SYNDIG1: variants seen among roughly 807,000 people sequenced by gnomAD.
SYNDIG1 encodes the protein synapse differentiation inducing 1, also known as synapse differentiation-inducing gene protein 1.
In SYNDIG1, 9 loss-of-function variants were observed where a neutral mutation model predicts 19.4. The ratio of observed to expected loss-of-function variants is 0.46; its 90% CI spans 0.28 to 0.81. SYNDIG1 has a LOEUF of 0.81. Ranked by LOEUF, SYNDIG1 falls within the 30% of genes least tolerant of loss-of-function variation. SYNDIG1 has a pLI of 0.12. For synonymous variants in SYNDIG1, 141 were observed against 145.9 expected (o/e 0.97, Z 0.24); for missense variants, 311 against 343.3 (o/e 0.91, Z 0.74).
At chr20:24,584,773 G>T (rs2058386094) in intron 2 of SYNDIG1, 83 bp from the exon 3 acceptor site, 2 of 1,594,646 alleles carry the variant, frequency 1.3e-6, no homozygotes, top group East Asian at 2.2e-5. Flanking sequence ...CCAGCCAGGG[G>T]TCATCCCACA....
In SYNDIG1 at chr20:24,591,669, A is replaced by G. The variant is rs117948453; in HGVS notation, c.618+6676A>G. Among the ~76,000 whole-genome samples, 479 of 152,284 alleles carry G rather than the reference A, an allele frequency of 3.1e-3. 2 individuals are homozygous for G. Among genetic ancestry groups the G allele is most frequent in the Non-Finnish European group, 4.8e-3 (327 of 68,028 alleles). ...GGGGGGACAGTTAGGGGAGCAATAA[A>G]AAGCCCCCAAGCACCTCGCACATAG... On this transcript the variant is annotated intron_variant, in intron 3 of 3. Transcript: ENST00000376862.
chr20:24,581,088 A>C (rs951028831), intron 2 of SYNDIG1, among the ~76,000 whole-genome samples: 1 of 152,100 alleles, frequency 6.6e-6, no homozygotes, highest in African/African-American at 2.4e-5. Context: ...TCTCATGAGA[A>C]GCAATGGAGG....
At chr20:24,643,059 A>G (rs1391149546) in intron 3 of SYNDIG1, among the ~76,000 whole-genome samples, 2 of 152,176 alleles carry the variant, frequency 1.3e-5, no homozygotes, top group African/African-American at 2.4e-5. Context: ...AAATATTTCT[A>G]TATGCATAAT....
At position 24,584,858 on chromosome 20, in the gene SYNDIG1, C is replaced by T. The variant is rs750660743; in HGVS notation, c.483C>T (p.Ser161=). 22 of 1,614,000 alleles carry T rather than the reference C, an allele frequency of 1.4e-5. No homozygotes were observed. In the South Asian group the frequency reaches 1.4e-4, roughly 10 times the overall value. The change falls in exon 3 of 4, where the codon AGC becomes AGT. Residue 161 remains serine, a splice_region_variant and synonymous_variant. Coordinates refer to ENST00000376862, the MANE Select transcript of SYNDIG1 (RefSeq NM_024893.3). ...GTCCTGCTGGTTCTCTCTTGCAGAG[C>T]GACTACTCAAGCGACACAGAGAGTG... is the stretch of plus-strand genomic sequence containing the variant. ...EEEEEFQELE[S]DYSSDTESED...
At chr20:24,490,503 A>C (rs919848140) in intron 1 of SYNDIG1, among the ~76,000 whole-genome samples, 1 of 152,230 alleles carries the variant, frequency 6.6e-6, no homozygotes, top group South Asian at 2.1e-4. Flanking sequence ...TCTGCTGCCA[A>C]TGTGCCCGGG....
chr20:24,576,029 T>C (rs935571673), intron 2 of SYNDIG1, among the ~76,000 whole-genome samples: 4 of 152,022 alleles, frequency 2.6e-5, no homozygotes, highest in African/African-American at 9.7e-5. Flanking sequence ...AGCACGAAAG[T>C]CCCTCTCCTT....
intron 1 of SYNDIG1, among the ~76,000 whole-genome samples, chr20:24,526,096 G>A (rs781176073): frequency 1.3e-5 from 2 of 151,970 alleles, no homozygotes; most frequent in East Asian, 1.9e-4. Flanking sequence ...TACTTTTAGC[G>A]ATTCCATGTC....
At chr20:24,636,133 C>CATATTTGCCGGTAT (rs2059312813) in intron 3 of SYNDIG1, among the ~76,000 whole-genome samples, 1 of 152,150 alleles carries the variant, frequency 6.6e-6, no homozygotes, top group East Asian at 1.9e-4. Flanking sequence ...AGTTTATATC[C>CATATTTGCCGGTAT]ATATTTGCCG....
intron 2 of SYNDIG1, among the ~76,000 whole-genome samples, chr20:24,576,666 T>C (rs1254300777): frequency 6.6e-6 from 1 of 152,084 alleles, no homozygotes; most frequent in Non-Finnish European, 1.5e-5. Flanking sequence ...ATGTGCTAAA[T>C]AGTAATGACC....
At chr20:24,475,117 G>A (rs1284028265) in intron 1 of SYNDIG1, among the ~76,000 whole-genome samples, 1 of 152,200 alleles carries the variant, frequency 6.6e-6, no homozygotes, top group South Asian at 2.1e-4. Flanking sequence ...TTCCTCCTAT[G>A]ATCTTGGTCC....
rs73905420 is a variant in SYNDIG1, at chr20:24,658,042, G to T, written c.619-7304G>T. On this transcript the variant is annotated intron_variant, in intron 3 of 3. Coordinates refer to ENST00000376862, the MANE Select transcript of SYNDIG1 (RefSeq NM_024893.3). This position sits in a 1 kb window ranked among gnomAD's most constrained non-coding sequence, Gnocchi z 4.4. ...GAGGACCCCCAGCTGTGCTGGCCCC[G>T]GTCCATGGATGACGGGGACTGTGGA... Among the ~76,000 whole-genome samples the T allele has an allele frequency of 6.6e-6, 1 of 152,146 alleles. No individual in the cohort carries two copies. The highest frequency in any genetic ancestry group is 2.4e-5 in the African/African-American group (1 of 41,488).
chr20:24,545,776 A>G (rs1252208224), intron 2 of SYNDIG1, among the ~76,000 whole-genome samples: 1 of 152,214 alleles, frequency 6.6e-6, no homozygotes, highest in Non-Finnish European at 1.5e-5. Flanking sequence ...TAGCAGCAGA[A>G]GTGGAAGCCC....
At chr20:24,604,462 C>T (rs974922621) in intron 3 of SYNDIG1, among the ~76,000 whole-genome samples, 2 of 152,198 alleles carry the variant, frequency 1.3e-5, no homozygotes, top group African/African-American at 2.4e-5. Context: ...TGATCTTCCT[C>T]ACTGCTCATT....
In SYNDIG1 at chr20:24,665,541, G is replaced by A. The variant is rs912866530; in HGVS notation, c.*37G>A. Reference sequence around the variant, plus strand: ...ATGGAGGGGGAGCACCCGGGGCCAGGTCTGTGTGGACGTGGAGGAAGCAGG... The same window carrying A: ...ATGGAGGGGGAGCACCCGGGGCCAGATCTGTGTGGACGTGGAGGAAGCAGG... On this transcript the variant is annotated 3_prime_UTR_variant, in exon 4 of 4. Coordinates refer to ENST00000376862, the MANE Select transcript of SYNDIG1 (RefSeq NM_024893.3). 2.5e-6 allele frequency: 4 copies of A among 1,612,726 alleles called. No individual in the cohort carries two copies. The highest frequency in any genetic ancestry group is 1.3e-5 in the African/African-American group (1 of 74,856).
chr20:24,566,554 G>C (rs1260766807), intron 2 of SYNDIG1, among the ~76,000 whole-genome samples: 1 of 152,138 alleles, frequency 6.6e-6, no homozygotes, highest in East Asian at 2.0e-4. Context: ...TCAGCTTGTT[G>C]TGTGAAGGGC....
chr20:24,594,822 T>C (rs781426158), intron 3 of SYNDIG1, among the ~76,000 whole-genome samples: 4 of 152,168 alleles, frequency 2.6e-5, no homozygotes, highest in Non-Finnish European at 5.9e-5. Context: ...ATCTTGGGTG[T>C]TGTTGGTGTA....
intron 3 of SYNDIG1, among the ~76,000 whole-genome samples, chr20:24,591,794 T>C (rs538949911): frequency 6.6e-6 from 1 of 152,310 alleles, no homozygotes; most frequent in South Asian, 2.1e-4. Flanking sequence ...AGAGCCAGGA[T>C]TCGGTGCCCC....
chr20:24,631,241 C>T (rs2059238262), intron 3 of SYNDIG1, among the ~76,000 whole-genome samples: 1 of 152,236 alleles, frequency 6.6e-6, no homozygotes. Flanking sequence ...GCTGTGGGCC[C>T]AGACAAGGTT....
intron 3 of SYNDIG1, among the ~76,000 whole-genome samples, chr20:24,589,971 T>G (rs546057393): frequency 1.6e-4 from 25 of 152,206 alleles, no homozygotes; most frequent in Non-Finnish European, 3.4e-4. Flanking sequence ...CATGCAGCAG[T>G]GAACAGAGCA....
Sources: allele counts gnomAD v4.1 joint callset (sites outside exome capture counted in the v4.1 genomes callset), GRCh38; gene constraint gnomAD v4.1.1; non-coding constraint Gnocchi (gnomAD v3.1); transcripts MANE v1.5; gene names NCBI Gene and HGNC (gene_info 2026-07-23, HGNC 2026-07-21).